Variants in TTC27 observed in about 807,000 individuals in gnomAD.
TTC27 encodes tetratricopeptide repeat domain 27.
A neutral mutation model predicts 115.9 loss-of-function variants in TTC27; 79 were observed. The observed-to-expected ratio is 0.68, with a 90% CI of 0.57 to 0.82. The LOEUF (loss-of-function observed/expected upper bound fraction) is 0.82. TTC27 is among the 40% of genes least tolerant of loss of function. The pLI is 0.00. For synonymous variants in TTC27, 401 were observed against 356.0 expected, an observed-to-expected ratio of 1.13 and a Z score of -1.42; for missense variants, 1,054 against 993.1, an observed-to-expected ratio of 1.06 and a Z score of -0.82.
chr2:32,629,728 C>T (rs1207651572), intron 1 of TTC27, among the ~76,000 whole-genome samples: 1 of 152,168 alleles, frequency 6.6e-6, no homozygotes, highest in African/African-American at 2.4e-5. Flanking sequence ...CATGAGCCAC[C>T]GCGCCCAGCC....
rs748553171 is a variant in TTC27 at position 32,758,288 on chromosome 2, C to T, written c.1453-4C>T. 6.2e-7 allele frequency: 1 copy of T among 1,613,190 alleles called. No homozygotes were observed. Among genetic ancestry groups the T allele is most frequent in the Non-Finnish European group, 8.5e-7 (1 of 1,179,532 alleles). ...AGCAATTTCATTATTTCTGTTGTTT[C>T]TAGGCAGAAGAAATCCTTAGACAAG... On this transcript the variant is annotated splice_region_variant and splice_polypyrimidine_tract_variant and intron_variant, in intron 12 of 19. Coordinates refer to ENST00000317907, the MANE Select transcript of TTC27 (RefSeq NM_017735.5).
At chr2:32,672,662 A>G (rs143158390) in intron 8 of TTC27, among the ~76,000 whole-genome samples, 121 of 152,212 alleles carry the variant, frequency 7.9e-4, no homozygotes, top group African/African-American at 2.8e-3. Context: ...ATTAAAGACA[A>G]ATGAGAATGA....
At chr2:32,666,566 A>G in intron 6 of TTC27, 69 bp from the exon 7 acceptor site, 1 of 1,486,618 alleles carries the variant, frequency 6.7e-7, no homozygotes, top group Non-Finnish European at 9.1e-7. Flanking sequence ...CTCTGAAAAT[A>G]TTACTCTTCA....
chr2:32,820,942 T>G lies in TTC27; in HGVS notation c.*4T>G. ...CCAGTTTCGAAATCAGTATTGATTC[T>G]GCTGGAAGCAGATTCTGGAAAAGGT... On this transcript the variant is annotated 3_prime_UTR_variant, in exon 20 of 20. Transcript: ENST00000317907. 1 of 1,482,016 alleles carries G rather than the reference T, an allele frequency of 6.7e-7. No homozygotes were observed. The highest frequency in any genetic ancestry group is 9.0e-7 in the Non-Finnish European group (1 of 1,108,314). The allele number at this position is 1,482,016 out of a possible 1,614,324, so 91.8% of individuals were successfully genotyped here. A position where few individuals can be genotyped will look rare whatever the true frequency, so the allele number is the denominator to read the frequency against.
At chr2:32,775,286 C>T (rs1302530628) in intron 13 of TTC27, among the ~76,000 whole-genome samples, 2 of 152,186 alleles carry the variant, frequency 1.3e-5, no homozygotes, top group African/African-American at 4.8e-5. Flanking sequence ...CAAGCTCCAC[C>T]TCCTGGGTTC....
At chr2:32,663,988 C>G (rs113653334) in intron 5 of TTC27, among the ~76,000 whole-genome samples, 4 of 144,048 alleles carry the variant, frequency 2.8e-5, no homozygotes, top group African/African-American at 1.1e-4. Flanking sequence ...CGTCCCCCCA[C>G]TATTTTTTTT....
At chr2:32,765,681 A>G (rs887131988) in intron 13 of TTC27, among the ~76,000 whole-genome samples, 1 of 152,208 alleles carries the variant, frequency 6.6e-6, no homozygotes, top group African/African-American at 2.4e-5. Context: ...TTCCTAGAAA[A>G]TCTGTTTAGT....
At chr2:32,771,284 A>T (rs1185012756) in intron 13 of TTC27, among the ~76,000 whole-genome samples, 1 of 152,210 alleles carries the variant, frequency 6.6e-6, no homozygotes, top group Non-Finnish European at 1.5e-5. Flanking sequence ...GCAATAATAG[A>T]TGTTACGTAG....
At chr2:32,642,674 T>G (rs1455264900) in intron 4 of TTC27, among the ~76,000 whole-genome samples, 1 of 151,802 alleles carries the variant, frequency 6.6e-6, no homozygotes, top group African/African-American at 2.4e-5. Flanking sequence ...TTGTTTGTTT[T>G]GTTTTTTTTT....
intron 16 of TTC27, among the ~76,000 whole-genome samples, chr2:32,810,247 T>C (rs112597795): frequency 5.3e-5 from 8 of 152,328 alleles, no homozygotes; most frequent in African/African-American, 9.6e-5. Context: ...CTAGGACCTC[T>C]TTAAGCGGAG....
intron 10 of TTC27, among the ~76,000 whole-genome samples, chr2:32,705,979 A>G (rs1417346328): frequency 1.5e-5 from 2 of 130,292 alleles, no homozygotes; most frequent in African/African-American, 5.8e-5. Flanking sequence ...CTTCTCATTT[A>G]TTTTTCCATG....
chr2:32,755,598 GA>G, intron 12 of TTC27, among the ~76,000 whole-genome samples: 1 of 146,256 alleles, frequency 6.8e-6, no homozygotes, highest in Non-Finnish European at 1.5e-5. Flanking sequence ...GGAGACGGTG[GA>G]AAGAGAGGGA....
intron 4 of TTC27, among the ~76,000 whole-genome samples, chr2:32,646,839 A>T (rs1000692760): frequency 1.3e-5 from 2 of 151,982 alleles, no homozygotes; most frequent in Non-Finnish European, 2.9e-5. Context: ...CTGAGATTAC[A>T]GGCATGAGCC....
intron 12 of TTC27, among the ~76,000 whole-genome samples, chr2:32,739,670 A>AT (rs1205505319): frequency 2.0e-5 from 3 of 152,162 alleles, no homozygotes; most frequent in Non-Finnish European, 2.9e-5. Context: ...TGATTTTAGT[A>AT]TTTTATTTAA....
At chr2:32,718,675 T>G (rs1667827713) in intron 10 of TTC27, among the ~76,000 whole-genome samples, 1 of 152,168 alleles carries the variant, frequency 6.6e-6, no homozygotes, top group African/African-American at 2.4e-5. Flanking sequence ...GTCCCCTCTG[T>G]AGCAGTGTGG....
chr2:32,628,397 C>A lies in TTC27; in HGVS notation c.88+17C>A, dbSNP rs757988331. ...TCGGTTCAGGTGAGAGGCGCACCTA[C>A]CGGGCCTTAGGCTATCGTGGGAACT... On this transcript the variant is annotated intron_variant, in intron 1 of 19. Transcript: ENST00000317907. 18 of 1,569,388 alleles carry A rather than the reference C, an allele frequency of 1.1e-5. No individual in the cohort carries two copies. The highest frequency in any genetic ancestry group is 1.4e-5 in the Non-Finnish European group (16 of 1,160,856).
At chr2:32,645,612 A>G (rs1664822160) in intron 4 of TTC27, among the ~76,000 whole-genome samples, 1 of 152,018 alleles carries the variant, frequency 6.6e-6, no homozygotes, top group South Asian at 2.1e-4. Flanking sequence ...GGTTTGTTAT[A>G]TATGTATACA....
chr2:32,694,343 C>T (rs1162798328), intron 9 of TTC27, among the ~76,000 whole-genome samples: 3 of 151,916 alleles, frequency 2.0e-5, no homozygotes, highest in Non-Finnish European at 2.9e-5. Flanking sequence ...TAAAATAACC[C>T]AGCTTTTGGG....
At chr2:32,754,632 C>T (rs1466511656) in intron 12 of TTC27, among the ~76,000 whole-genome samples, 1 of 151,402 alleles carries the variant, frequency 6.6e-6, no homozygotes, top group East Asian at 1.9e-4. Flanking sequence ...CCATTGTCAT[C>T]ATGGCCCATT....
Sources: gnomAD v4.1 joint callset for allele counts (sites outside exome capture counted in the v4.1 genomes callset) on GRCh38, gnomAD v4.1.1 for gene constraint, MANE v1.5 for transcripts, NCBI Gene and HGNC (gene_info 2026-07-23, HGNC 2026-07-21) for gene names.